The following LVRN variants were observed in gnomAD, a reference collection of about 807,000 sequenced individuals.
LVRN encodes laeverin, also known as aminopeptidase Q.
Under a neutral mutation model 111.4 loss-of-function variants are expected in LVRN, and 99 were observed. That is an observed-to-expected ratio of 0.89 (90% CI 0.76 to 1.05). LVRN has a LOEUF of 1.05. Ranked by LOEUF, LVRN falls within the 50% of genes least tolerant of loss-of-function variation. LVRN has a pLI of 0.00. For synonymous variants in LVRN, 488 were observed against 449.5 expected (o/e 1.09, Z -1.08); for missense variants, 1,414 against 1,206.8 (o/e 1.17, Z -2.54).
chr5:116,020,351 A>C (rs1209676938), intron 18 of LVRN, among the ~76,000 whole-genome samples: 1 of 152,164 alleles, frequency 6.6e-6, no homozygotes, highest in Non-Finnish European at 1.5e-5. Context: ...GTGACTTTCC[A>C]CTGGATGTGG....
At chr5:115,996,020 A>G (rs991383926) in intron 6 of LVRN, among the ~76,000 whole-genome samples, 1 of 152,032 alleles carries the variant, frequency 6.6e-6, no homozygotes, top group Non-Finnish European at 1.5e-5. Flanking sequence ...TCTCTCCAAC[A>G]GTCCTTTCCA....
chr5:115,996,963 A>G (rs1748126440), intron 6 of LVRN, among the ~76,000 whole-genome samples: 1 of 152,244 alleles, frequency 6.6e-6, no homozygotes, highest in Non-Finnish European at 1.5e-5. Context: ...GACAACTACC[A>G]CTAACTAGGC....
At chr5:115,999,969 A>C in intron 7 of LVRN, 67 bp downstream of exon 7, 1 of 1,494,954 alleles carries the variant, frequency 6.7e-7, no homozygotes, top group Non-Finnish European at 9.1e-7. Flanking sequence ...ATGGATTCTA[A>C]GGGTCCTATA....
At chr5:115,988,317 A>G (rs1410537402) in intron 4 of LVRN, among the ~76,000 whole-genome samples, 1 of 132,750 alleles carries the variant, frequency 7.5e-6, no homozygotes, top group African/African-American at 3.0e-5. Flanking sequence ...AAGTTACTTC[A>G]GTTCCCTTTA....
rs149164185 is a variant in LVRN, at chr5:116,000,370, G to A, written c.1516-63G>A. ...AGCTCAGAATATTGCTTATAAATAT[G>A]GAATGTGTCAGTATGTGGATATTGA... On this transcript the variant is annotated intron_variant, in intron 7 of 19. Coordinates refer to ENST00000357872, the MANE Select transcript of LVRN (RefSeq NM_173800.5). 6.4e-6 allele frequency: 10 copies of A among 1,566,634 alleles called. No individual in the cohort carries two copies. The African/African-American group carries it at 1.2e-4, about 19-fold the overall frequency.
intron 1 of LVRN, among the ~76,000 whole-genome samples, chr5:115,982,378 T>G (rs1580381224): frequency 6.6e-6 from 1 of 152,148 alleles, no homozygotes; most frequent in South Asian, 2.1e-4. Flanking sequence ...TTGGGCCTGA[T>G]GCAAAAACAA....
Position 116,015,354 on chromosome 5 carries a change from CAAA to C in LVRN, c.2554_2556del (p.Lys852del), listed in dbSNP as rs1345860294. ...TAAATACTTACACTAATACAACAAACAAAGAAGAAAAGATTCAACTTGCTTATG... is the reference window on the plus strand; with the variant it reads ...TAAATACTTACACTAATACAACAAACGAAGAAAAGATTCAACTTGCTTATG... On this transcript the variant is annotated inframe_deletion, in exon 17 of 20. Coordinates refer to ENST00000357872, the MANE Select transcript of LVRN (RefSeq NM_173800.5). The C allele has an allele frequency of 1.2e-6, 2 of 1,611,320 alleles. No homozygotes were observed. The highest frequency in any genetic ancestry group is 1.3e-5 in the African/African-American group (1 of 74,742).
chr5:115,968,024 G>T (rs1753238618), intron 1 of LVRN, among the ~76,000 whole-genome samples: 1 of 152,076 alleles, frequency 6.6e-6, no homozygotes, highest in Admixed American at 6.5e-5. Flanking sequence ...TCATCATGTT[G>T]TCAACAAACG....
rs112874906 is a variant in LVRN, at chr5:116,022,729, C to G, written c.2832+263C>G. ...CCCAGGGTTCCCGTCCCAGACCGGGCTTCCCTCCATCCCACCTTTGCCATC... is the reference window on the plus strand; with the variant it reads ...CCCAGGGTTCCCGTCCCAGACCGGGGTTCCCTCCATCCCACCTTTGCCATC... On this transcript the variant is annotated intron_variant, in intron 19 of 19. Coordinates refer to ENST00000357872, the MANE Select transcript of LVRN (RefSeq NM_173800.5). 5.2e-3 allele frequency among the ~76,000 whole-genome samples: 794 copies of G among 152,346 alleles called. 4 individuals are homozygous for G. The highest frequency in any genetic ancestry group is 8.7e-3 in the East Asian group (45 of 5,182).
chr5:116,006,213 A>G (rs1429159122), intron 13 of LVRN, among the ~76,000 whole-genome samples: 3 of 152,168 alleles, frequency 2.0e-5, no homozygotes, highest in Non-Finnish European at 4.4e-5. Context: ...TTTTAATGCA[A>G]TCTTGCCTGT....
chr5:115,967,395 C>T (rs1412036755), intron 1 of LVRN, among the ~76,000 whole-genome samples: 1 of 152,122 alleles, frequency 6.6e-6, no homozygotes, highest in East Asian at 1.9e-4. Context: ...AAAAGAGTAT[C>T]CTCCCACTAT....
chr5:115,969,994 C>G lies in LVRN; in HGVS notation c.695+6682C>G, dbSNP rs1580375097. The stretch of plus-strand genomic sequence containing the variant: ...TTTTTTGTTTTGTTTCTATTAACTT[C>G]TTTTTCCTGGGTTATCATGCACATT... On this transcript the variant is annotated intron_variant, in intron 1 of 19. Coordinates refer to ENST00000357872, the MANE Select transcript of LVRN (RefSeq NM_173800.5). 2.0e-5 allele frequency among the ~76,000 whole-genome samples: 3 copies of G among 151,830 alleles called. No individual in the cohort carries two copies. In the East Asian group the frequency reaches 5.8e-4, roughly 29 times the overall value.
At chr5:116,018,408 G>A (rs992750657) in intron 18 of LVRN, among the ~76,000 whole-genome samples, 1 of 151,762 alleles carries the variant, frequency 6.6e-6, no homozygotes, top group African/African-American at 2.4e-5. Flanking sequence ...GGTGGCTCAC[G>A]CCTGTAATAA....
intron 1 of LVRN, among the ~76,000 whole-genome samples, chr5:115,977,353 A>T (rs1753470507): frequency 6.6e-6 from 1 of 152,202 alleles, no homozygotes; most frequent in Non-Finnish European, 1.5e-5. Context: ...TTCGAGGCAG[A>T]AAAACAGGGT....
Position 115,984,617 on chromosome 5 carries a change from A to G in LVRN, c.886A>G (p.Thr296Ala). The G allele has an allele frequency of 3.7e-6, 6 of 1,613,680 alleles. No individual in the cohort carries two copies. The highest frequency in any genetic ancestry group is 4.2e-6 in the Non-Finnish European group (5 of 1,179,758). ...DVNGSKWTVT[T>A]FSTTPHMPTY... ...GAATGGAAGCAAATGGACTGTTACA[A>G]CCTTTTCCACTACGCCCCACATGCC... Residue 296 changes from threonine (T) to alanine (A), a missense_variant, in exon 3 of 20, where the codon ACC becomes GCC. By Grantham distance (58) the Thr-to-Ala change is moderately conservative (BLOSUM62 0). Transcript: ENST00000357872.
Position 116,022,426 on chromosome 5 carries a change from C to G in LVRN, c.2792C>G (p.Thr931Arg). The G allele has an allele frequency of 6.4e-7, 1 of 1,567,744 alleles. No individual in the cohort carries two copies. Among genetic ancestry groups the G allele is most frequent in the African/African-American group, 1.4e-5 (1 of 72,920 alleles). Residue 931 changes from threonine (T) to arginine (R), a missense_variant, in exon 19 of 20, where the codon ACA becomes AGA. By Grantham distance (71) the Thr-to-Arg change is moderately conservative. Transcript: ENST00000357872. Reference sequence around the variant, plus strand: ...CAATCATTGATTAATCTAATATATACAATAGGGAGAACCGTAACTACAGAT... The same window carrying G: ...CAATCATTGATTAATCTAATATATAGAATAGGGAGAACCGTAACTACAGAT... The part of the protein sequence containing the change: ...GTQSLINLIY[T>R]IGRTVTTDLQ...
At chr5:116,015,577 C>T in intron 17 of LVRN, 51 bp from the exon 18 acceptor site, 1 of 1,554,344 alleles carries the variant, frequency 6.4e-7, no homozygotes. Context: ...TTTAAATTAA[C>T]TCTTTATGTT....
intron 1 of LVRN, among the ~76,000 whole-genome samples, chr5:115,982,486 G>A (rs920555925): frequency 6.6e-5 from 10 of 152,112 alleles, no homozygotes; most frequent in African/African-American, 1.7e-4. Flanking sequence ...AGCAAGTCTT[G>A]GCAAATGGGA....
At position 116,003,260 on chromosome 5, in the gene LVRN, A is replaced by T. The variant is rs1453155822; in HGVS notation, c.1917A>T (p.Gln639His). 1.3e-6 allele frequency: 2 copies of T among 1,580,264 alleles called. No individual in the cohort carries two copies. Among genetic ancestry groups the T allele is most frequent in the East Asian group, 4.5e-5 (2 of 44,018 alleles). Residue 639 changes from glutamine to histidine, a missense_variant, in exon 12 of 20, where the codon CAA (glutamine) becomes CAT (histidine). Gln to His is a conservative substitution (Grantham distance 24). Transcript: ENST00000357872. ...TTATAGAAGTATTCCCAGAAATGCAAGTTTCAGATTCTGACCATGACTGGG... is the reference window on the plus strand; with the variant it reads ...TTATAGAAGTATTCCCAGAAATGCATGTTTCAGATTCTGACCATGACTGGG... The part of the protein sequence containing the change: ...DQSSKVFPEM[Q>H]VSDSDHDWVI...
Sources: allele counts gnomAD v4.1 joint callset (sites outside exome capture counted in the v4.1 genomes callset), GRCh38; gene constraint gnomAD v4.1.1; transcripts MANE v1.5; gene names NCBI Gene and HGNC (gene_info 2026-07-23, HGNC 2026-07-21).